Variants in SMCO4 observed in about 807,000 individuals in gnomAD.
SMCO4 encodes single-pass membrane and coiled-coil domain-containing protein 4.
Under a neutral mutation model 3.6 loss-of-function variants are expected in SMCO4, and 4 were observed. The ratio of observed to expected loss-of-function variants is 1.11; its 90% CI spans 0.54 to 2.53. The LOEUF is 2.53. SMCO4 is among the 30% of genes most tolerant of loss of function. The pLI is 0.02. For missense variants in SMCO4, 70 were observed against 80.8 expected (o/e 0.87, Z 0.51); for synonymous variants, 36 against 35.3 (o/e 1.02, Z -0.07).
chr11:93,550,254 G>A, the SMCO4 span, among the ~76,000 whole-genome samples: 907 of 152,260 alleles, frequency 6.0e-3, 4 homozygotes, highest in Non-Finnish European at 9.3e-3. Flanking sequence ...AAATAAGAGC[G>A]TCATTAACAT....
At chr11:93,522,680 C>T (rs1003661425) in intron 1 of SMCO4, among the ~76,000 whole-genome samples, 3 of 152,130 alleles carry the variant, frequency 2.0e-5, no homozygotes, top group Non-Finnish European at 2.9e-5. Context: ...TGTAACTGAC[C>T]GCACCAGGTG....
chr11:93,520,401 C>T (rs1375474080), intron 1 of SMCO4, among the ~76,000 whole-genome samples: 1 of 152,186 alleles, frequency 6.6e-6, no homozygotes, highest in Non-Finnish European at 1.5e-5. Flanking sequence ...CAACAACTTA[C>T]AAGGTAGCAA....
intron 1 of SMCO4, among the ~76,000 whole-genome samples, chr11:93,529,472 G>A (rs1431850656): frequency 6.6e-6 from 1 of 151,908 alleles, no homozygotes; most frequent in Non-Finnish European, 1.5e-5. Context: ...CAATGACATC[G>A]GCCTCCCAGA....
intron 2 of SMCO4, among the ~76,000 whole-genome samples, chr11:93,487,561 A>G (rs1948665863): frequency 6.6e-6 from 1 of 152,172 alleles, no homozygotes; most frequent in African/African-American, 2.4e-5. Context: ...AGCACTGACT[A>G]CTCCCAAATA....
intron 1 of SMCO4, among the ~76,000 whole-genome samples, chr11:93,523,650 C>A (rs577780699): frequency 2.0e-5 from 3 of 152,310 alleles, no homozygotes; most frequent in South Asian, 2.1e-4. Flanking sequence ...CAGAGCAAGA[C>A]CCCGCAAGAA....
chr11:93,545,519 C>T (rs769467583), upstream of SMCO4, among the ~76,000 whole-genome samples: 2 of 130,556 alleles, frequency 1.5e-5, no homozygotes, highest in African/African-American at 2.9e-5. Flanking sequence ...ACCCAGAAGG[C>T]GGAGGTTGTA....
intron 2 of SMCO4, among the ~76,000 whole-genome samples, chr11:93,498,453 A>C (rs1948800476): frequency 6.6e-6 from 1 of 152,122 alleles, no homozygotes. Context: ...GCGAGACCTA[A>C]AGCCCCCCAC....
At chr11:93,539,821 C>T in intron 1 of SMCO4, among the ~76,000 whole-genome samples, 1 of 152,028 alleles carries the variant, frequency 6.6e-6, no homozygotes, top group East Asian at 1.9e-4. Flanking sequence ...AGAAATTTCC[C>T]CCACACCAAA....
intron 2 of SMCO4, chr11:93,481,583 T>C: frequency 2.1e-6 from 2 of 938,940 alleles, no homozygotes; most frequent in Non-Finnish European, 2.5e-6. Context: ...ATTATCCCCA[T>C]CACGGAAGGG....
In SMCO4 at chr11:93,488,522, T is replaced by C. The variant is rs1056780809; in HGVS notation, c.-80-9253A>G. ...CGAGTACACTTTGAAGGCAGAGGCA[T>C]ACAATTTACCGAGATTGGAAATGGA... On this transcript the variant is annotated intron_variant, in intron 2 of 2. Transcript: ENST00000298966. Among the ~76,000 whole-genome samples, 4 of 152,062 alleles carry C rather than the reference T, an allele frequency of 2.6e-5. No individual in the cohort carries two copies. The South Asian group carries it at 6.2e-4, about 24-fold the overall frequency.
intron 2 of SMCO4, among the ~76,000 whole-genome samples, chr11:93,493,493 A>G (rs1340190473): frequency 6.6e-6 from 1 of 152,184 alleles, no homozygotes; most frequent in African/African-American, 2.4e-5. Flanking sequence ...CACTGCACGC[A>G]TACCCATGCC....
At chr11:93,481,512 G>C (rs1156939074) in intron 2 of SMCO4, 2 of 985,272 alleles carry the variant, frequency 2.0e-6, no homozygotes, top group African/African-American at 3.5e-5. Context: ...ATTCGTGCTA[G>C]CTGACATACC....
intron 1 of SMCO4, among the ~76,000 whole-genome samples, chr11:93,520,595 A>T (rs1949048390): frequency 1.3e-5 from 2 of 152,278 alleles, no homozygotes; most frequent in Non-Finnish European, 2.9e-5. Flanking sequence ...GGCTATTTTC[A>T]ACTAAAGTAT....
At position 93,490,431 on chromosome 11, in the gene SMCO4, C is replaced by T. The variant is rs558893475; in HGVS notation, c.-81+8845G>A. Among the ~76,000 whole-genome samples the T allele has an allele frequency of 1.6e-3, 237 of 152,236 alleles. 2 individuals carry two copies. Among genetic ancestry groups the T allele is most frequent in the South Asian group, 3.7e-3 (18 of 4,830 alleles). On this transcript the variant is annotated intron_variant, in intron 2 of 2. Transcript: ENST00000298966. ...CTTATGATGTGCAGAAAGAATATAACGGCAGCACATGCAACACAAACTGAA... is the reference window on the plus strand; with the variant it reads ...CTTATGATGTGCAGAAAGAATATAATGGCAGCACATGCAACACAAACTGAA...
At chr11:93,501,636 A>G (rs572778994) in intron 1 of SMCO4, among the ~76,000 whole-genome samples, 8 of 152,284 alleles carry the variant, frequency 5.3e-5, no homozygotes, top group African/African-American at 1.9e-4. Flanking sequence ...CAAATAATCC[A>G]GGATGATCTC....
upstream of SMCO4, among the ~76,000 whole-genome samples, chr11:93,543,881 G>T (rs1263108123): frequency 4.6e-5 from 7 of 152,232 alleles, no homozygotes; most frequent in African/African-American, 1.7e-4. Context: ...ACCCAAGTAG[G>T]CTTTGAAACC....
At chr11:93,506,613 T>G (rs1415492359) in intron 1 of SMCO4, among the ~76,000 whole-genome samples, 2 of 131,282 alleles carry the variant, frequency 1.5e-5, no homozygotes, top group Non-Finnish European at 3.7e-5. Flanking sequence ...TAATTTTTTG[T>G]TTTTTTTGTA....
intron 1 of SMCO4, among the ~76,000 whole-genome samples, chr11:93,526,446 T>A (rs1278407211): frequency 2.0e-5 from 3 of 152,044 alleles, no homozygotes; most frequent in Admixed American, 2.0e-4. Flanking sequence ...TCCAAGGAAT[T>A]TGGCAGGGAC....
chr11:93,537,824 ACT>A (rs1369347441), intron 1 of SMCO4: 1 of 151,550 alleles, frequency 6.6e-6, no homozygotes, highest in Admixed American at 6.6e-5. Context: ...GGGTGAGCAG[ACT>A]CTTGCACGGA....
Sources: gnomAD v4.1 joint callset for allele counts (sites outside exome capture counted in the v4.1 genomes callset) on GRCh38, gnomAD v4.1.1 for gene constraint, MANE v1.5 for transcripts, NCBI Gene and HGNC (gene_info 2026-07-23, HGNC 2026-07-21) for gene names.